The following CNTNAP2 variants were observed in gnomAD, a reference collection of about 807,000 sequenced individuals.
The protein encoded by CNTNAP2 is contactin-associated protein-like 2.
Under a neutral mutation model 155.2 loss-of-function variants are expected in CNTNAP2, and 98 were observed. The observed-to-expected ratio is 0.63, with a 90% CI of 0.54 to 0.75. The LOEUF (loss-of-function observed/expected upper bound fraction) is 0.75, where lower values mean the gene tolerates loss of function less well. Among genes scored for constraint, CNTNAP2 ranks in the 30% least tolerant of loss-of-function variants. The pLI, the probability that CNTNAP2 is intolerant of heterozygous loss-of-function variation, is 0.00. For missense variants in CNTNAP2, 1,727 were observed against 1,688.1 expected, an observed-to-expected ratio of 1.02 and a Z score of -0.40; for synonymous variants, 651 against 631.2, an observed-to-expected ratio of 1.03 and a Z score of -0.47.
chr7:147,218,506 T>C (rs978236374), intron 8 of CNTNAP2, among the ~76,000 whole-genome samples: 1 of 152,058 alleles, frequency 6.6e-6, no homozygotes, highest in Non-Finnish European at 1.5e-5. Flanking sequence ...CCATGTGTTA[T>C]TTAGAATGGT....
chr7:146,246,420 T>A (rs867150604), intron 1 of CNTNAP2, among the ~76,000 whole-genome samples: 1 of 150,348 alleles, frequency 6.7e-6, no homozygotes, highest in African/African-American at 2.5e-5. Flanking sequence ...ATTGTCTAAG[T>A]TGGCATGAGA....
intron 8 of CNTNAP2, among the ~76,000 whole-genome samples, chr7:147,158,541 C>T (rs1189985648): frequency 6.6e-6 from 1 of 152,064 alleles, no homozygotes; most frequent in Non-Finnish European, 1.5e-5. Context: ...ACCTGCGATT[C>T]AGCACAATTA....
At chr7:146,286,022 G>GTT (rs1192103818) in intron 1 of CNTNAP2, among the ~76,000 whole-genome samples, 1 of 99,846 alleles carries the variant, frequency 1.0e-5, no homozygotes, top group Admixed American at 1.2e-4. Context: ...GTGTGTGTGT[G>GTT]TCTCTGCCTG....
intron 1 of CNTNAP2, among the ~76,000 whole-genome samples, chr7:146,179,854 A>T (rs1429767702): frequency 6.6e-6 from 1 of 152,212 alleles, no homozygotes; most frequent in Non-Finnish European, 1.5e-5. Flanking sequence ...AATGTTGACG[A>T]AGAAGAGATA....
intron 2 of CNTNAP2, among the ~76,000 whole-genome samples, chr7:146,817,584 A>G (rs1433832141): frequency 6.6e-6 from 1 of 152,156 alleles, no homozygotes; most frequent in Non-Finnish European, 1.5e-5. Flanking sequence ...CTCAGCTTCC[A>G]AAGAGGCTTC....
intron 8 of CNTNAP2, among the ~76,000 whole-genome samples, chr7:147,235,618 T>TAAATAAATA (rs1378535671): frequency 3.9e-5 from 6 of 152,306 alleles, no homozygotes; most frequent in Middle Eastern, 6.8e-3. Flanking sequence ...ATTTAAGGTG[T>TAAATAAATA]AATAATCCAT....
chr7:147,378,369 G>C (rs1243815520), intron 9 of CNTNAP2, among the ~76,000 whole-genome samples: 1 of 151,766 alleles, frequency 6.6e-6, no homozygotes, highest in Non-Finnish European at 1.5e-5. Context: ...AGGGTAAATG[G>C]GGTATCCATC....
chr7:147,003,694 G>A (rs1400862110), intron 3 of CNTNAP2, among the ~76,000 whole-genome samples: 1 of 151,898 alleles, frequency 6.6e-6, no homozygotes, highest in Non-Finnish European at 1.5e-5. Context: ...GAGAGATAAA[G>A]CAAAGAAATG....
At chr7:146,847,673 A>G (rs1054777160) in intron 3 of CNTNAP2, among the ~76,000 whole-genome samples, 2 of 152,126 alleles carry the variant, frequency 1.3e-5, no homozygotes, top group Non-Finnish European at 2.9e-5. Context: ...CTATTAGTGT[A>G]TTGGTGTGTG....
At chr7:146,616,739 C>T (rs1420576347) in intron 1 of CNTNAP2, among the ~76,000 whole-genome samples, 2 of 152,194 alleles carry the variant, frequency 1.3e-5, no homozygotes, top group Non-Finnish European at 2.9e-5. Context: ...TCCCACTGCA[C>T]TGCCAACGCA....
At chr7:146,558,410 T>C (rs1798228787) in intron 1 of CNTNAP2, among the ~76,000 whole-genome samples, 1 of 152,172 alleles carries the variant, frequency 6.6e-6, no homozygotes, top group African/African-American at 2.4e-5. Context: ...GCATGTACTT[T>C]TTTTTTAACC....
Position 146,548,498 on chromosome 7 carries a change from C to T in CNTNAP2, c.98-225773C>T, listed in dbSNP as rs533737488. On this transcript the variant is annotated intron_variant, in intron 1 of 23. Transcript: ENST00000361727. ...AACATAAATCATTCCATTATTAAGA[C>T]ACATGTCTTTTGCTTTTTTCATAAT... Among the ~76,000 whole-genome samples the T allele has an allele frequency of 2.6e-5, 4 of 152,100 alleles. No individual in the cohort carries two copies. In the East Asian group the frequency reaches 7.8e-4, roughly 30 times the overall value.
chr7:147,473,448 G>A (rs35006393), intron 10 of CNTNAP2, among the ~76,000 whole-genome samples: 27,055 of 151,910 alleles, frequency 0.18, 3,074 homozygotes, highest in Non-Finnish European at 0.25. Flanking sequence ...CGGCAGCACC[G>A]GGAGAGTTTC....
intron 9 of CNTNAP2, among the ~76,000 whole-genome samples, chr7:147,376,774 C>A (rs1796441568): frequency 6.6e-6 from 1 of 151,860 alleles, no homozygotes; most frequent in Non-Finnish European, 1.5e-5. Flanking sequence ...ACAACTGGGG[C>A]AATAAATAGG....
intron 8 of CNTNAP2, among the ~76,000 whole-genome samples, chr7:147,279,557 C>T (rs1188969869): frequency 2.0e-5 from 3 of 151,664 alleles, no homozygotes; most frequent in Non-Finnish European, 3.0e-5. Context: ...ATCTCATTGT[C>T]TTGACATAGT....
chr7:146,263,275 G>A (rs1335841221), intron 1 of CNTNAP2, among the ~76,000 whole-genome samples: 1 of 141,076 alleles, frequency 7.1e-6, no homozygotes, highest in Non-Finnish European at 1.5e-5. Flanking sequence ...GGGAGGGAGG[G>A]AGGAAGGAAG....
At chr7:147,896,597 A>G (rs1007544565) in intron 13 of CNTNAP2, among the ~76,000 whole-genome samples, 2 of 152,078 alleles carry the variant, frequency 1.3e-5, no homozygotes, top group Admixed American at 1.3e-4. Context: ...TTGCACAGTC[A>G]GTTCCTGGAT....
chr7:146,713,909 T>A (rs942351269), intron 1 of CNTNAP2, among the ~76,000 whole-genome samples: 1 of 152,084 alleles, frequency 6.6e-6, no homozygotes, highest in Non-Finnish European at 1.5e-5. Flanking sequence ...AGAGCATTAT[T>A]GTAAAAATAA....
At chr7:147,027,134 C>CTTAA (rs1256491846) in intron 3 of CNTNAP2, among the ~76,000 whole-genome samples, 3 of 151,956 alleles carry the variant, frequency 2.0e-5, no homozygotes, top group African/African-American at 7.2e-5. Context: ...CTTTCTTCCC[C>CTTAA]TTAATTGAGG....
Sources: allele counts gnomAD v4.1 joint callset (sites outside exome capture counted in the v4.1 genomes callset), GRCh38; gene constraint gnomAD v4.1.1; transcripts MANE v1.5; gene names NCBI Gene and HGNC (gene_info 2026-07-23, HGNC 2026-07-21).